The following FILIP1L variants were observed in gnomAD, a reference collection of about 807,000 sequenced individuals.
FILIP1L encodes filamin A-interacting protein 1-like.
Under a neutral mutation model 96.6 loss-of-function variants are expected in FILIP1L, and 55 were observed. The ratio of observed to expected loss-of-function variants is 0.57; its 90% CI spans 0.46 to 0.71. The LOEUF (loss-of-function observed/expected upper bound fraction) is 0.71. Among genes scored for constraint, FILIP1L ranks in the 30% least tolerant of loss-of-function variants. The pLI, the probability that FILIP1L is intolerant of heterozygous loss-of-function variation, is 0.00. For synonymous variants in FILIP1L, 467 were observed against 473.9 expected, an observed-to-expected ratio of 0.99 and a Z score of 0.19; for missense variants, 1,304 against 1,321.2, an observed-to-expected ratio of 0.99 and a Z score of 0.20.
chr3:100,026,404 A>G (rs1204630816), intron 1 of FILIP1L, among the ~76,000 whole-genome samples: 3 of 152,024 alleles, frequency 2.0e-5, no homozygotes, highest in African/African-American at 7.2e-5. Flanking sequence ...AGCAAGGTCG[A>G]TAGTGAACCA....
chr3:99,897,460 A>G (rs1701908585), intron 4 of FILIP1L, among the ~76,000 whole-genome samples: 1 of 152,224 alleles, frequency 6.6e-6, no homozygotes, highest in Non-Finnish European at 1.5e-5. Flanking sequence ...AAAGTTTGCC[A>G]TTATATACCT....
intron 1 of FILIP1L, among the ~76,000 whole-genome samples, chr3:100,030,582 G>C (rs758870017): frequency 1.3e-5 from 2 of 152,094 alleles, no homozygotes; most frequent in Non-Finnish European, 2.9e-5. Flanking sequence ...TAGTAATGCA[G>C]TGTGACTAAA....
At chr3:100,092,535 C>CTTGCATGTGTATATCTTGTAT (rs1488562899) in intron 1 of FILIP1L, among the ~76,000 whole-genome samples, 6 of 151,432 alleles carry the variant, frequency 4.0e-5, no homozygotes, top group Non-Finnish European at 8.8e-5. Flanking sequence ...TTAAAATACC[C>CTTGCATGTGTATATCTTGTAT]TTGCATGTGT....
intron 5 of FILIP1L, among the ~76,000 whole-genome samples, chr3:99,838,922 G>A (rs949261566): frequency 1.3e-5 from 2 of 152,040 alleles, no homozygotes; most frequent in African/African-American, 4.8e-5. Flanking sequence ...CTGTATTCAT[G>A]GTTCTTCACA....
chr3:99,947,905 G>A (rs988001178), intron 1 of FILIP1L, among the ~76,000 whole-genome samples: 1 of 152,092 alleles, frequency 6.6e-6, no homozygotes, highest in African/African-American at 2.4e-5. Flanking sequence ...TTTCATGGAG[G>A]AAGCTGTTAT....
intron 4 of FILIP1L, among the ~76,000 whole-genome samples, chr3:99,891,820 T>C (rs1373694749): frequency 1.3e-5 from 2 of 152,340 alleles, no homozygotes; most frequent in African/African-American, 4.8e-5. Flanking sequence ...AGTTGCCTAA[T>C]TGTATAAACA....
chr3:100,013,990 T>G (rs953454701), intron 1 of FILIP1L, among the ~76,000 whole-genome samples: 13 of 152,100 alleles, frequency 8.5e-5, no homozygotes, highest in Non-Finnish European at 4.4e-5. Context: ...CACTGCCCCT[T>G]GCTCCTGGCA....
intron 1 of FILIP1L, among the ~76,000 whole-genome samples, chr3:100,019,888 ACT>A (rs2064776506): frequency 6.6e-6 from 1 of 151,920 alleles, no homozygotes; most frequent in Non-Finnish European, 1.5e-5. Context: ...AGCTACAGTG[ACT>A]CTTTTTTTCA....
rs114439971 is a variant in FILIP1L, at chr3:100,065,062, A to G, written c.-11+48991T>C. 6.1e-3 allele frequency among the ~76,000 whole-genome samples: 936 copies of G among 152,330 alleles called. 6 individuals are homozygous for G. The highest frequency in any genetic ancestry group is 0.018 in the African/African-American group (742 of 41,566). On this transcript the variant is annotated intron_variant, in intron 1 of 5. Transcript: ENST00000477258. ...CAGTTCTTGCTTTAGGGTCAGTCTC[A>G]TAAGATTGTAAACTATGAGCCCAAA...
intron 1 of FILIP1L, among the ~76,000 whole-genome samples, chr3:99,976,952 C>T (rs1193240671): frequency 6.6e-6 from 1 of 152,150 alleles, no homozygotes; most frequent in Non-Finnish European, 1.5e-5. Context: ...AGTTTGAACT[C>T]CCTGTGTGAC....
chr3:99,954,623 C>T (rs748285318), intron 1 of FILIP1L, among the ~76,000 whole-genome samples: 3 of 152,004 alleles, frequency 2.0e-5, no homozygotes, highest in Admixed American at 1.3e-4. Flanking sequence ...GTCAGGAGTT[C>T]GAGACCAGCC....
chr3:99,842,483 A>T (rs1015964484), intron 5 of FILIP1L, among the ~76,000 whole-genome samples: 2 of 139,574 alleles, frequency 1.4e-5, no homozygotes, highest in African/African-American at 5.6e-5. Flanking sequence ...AACCTATTGA[A>T]ATAAATAAAT....
chr3:100,087,483 T>A (rs2066030291), intron 1 of FILIP1L, among the ~76,000 whole-genome samples: 1 of 152,230 alleles, frequency 6.6e-6, no homozygotes, highest in African/African-American at 2.4e-5. Context: ...CCACAATGAC[T>A]AATGGTGTTG....
chr3:99,944,284 G>A (rs780585712), intron 1 of FILIP1L, among the ~76,000 whole-genome samples: 3 of 152,170 alleles, frequency 2.0e-5, no homozygotes, highest in African/African-American at 7.2e-5. Flanking sequence ...GTTTAGTAGA[G>A]AGGTGATAGG....
chr3:100,044,578 A>C (rs147645352), intron 1 of FILIP1L, among the ~76,000 whole-genome samples: 2 of 152,312 alleles, frequency 1.3e-5, no homozygotes, highest in Non-Finnish European at 2.9e-5. Flanking sequence ...CCAGTGAAAG[A>C]GAGGGAAGTA....
At chr3:99,986,902 T>C (rs1709357637) in intron 1 of FILIP1L, among the ~76,000 whole-genome samples, 1 of 152,088 alleles carries the variant, frequency 6.6e-6, no homozygotes, top group South Asian at 2.1e-4. Flanking sequence ...CTGATCTAGT[T>C]AGGAGGACAA....
intron 1 of FILIP1L, among the ~76,000 whole-genome samples, chr3:100,032,283 G>C (rs1480867201): frequency 1.3e-5 from 2 of 152,188 alleles, no homozygotes; most frequent in Non-Finnish European, 2.9e-5. Flanking sequence ...GGTAATCTTA[G>C]TTGGTACTAG....
At chr3:99,876,243 T>C (rs1012774755) in intron 4 of FILIP1L, 20 of 984,750 alleles carry the variant, frequency 2.0e-5, no homozygotes, top group Non-Finnish European at 2.4e-5. Context: ...GCGCTCCGCG[T>C]GTGCGGCGCT....
chr3:99,864,302 G>T (rs554176958), intron 4 of FILIP1L, among the ~76,000 whole-genome samples: 1 of 152,258 alleles, frequency 6.6e-6, no homozygotes, highest in South Asian at 2.1e-4. Flanking sequence ...GTACTAGAGT[G>T]TGAGACTTGG....
Sources: gnomAD v4.1 joint callset for allele counts (sites outside exome capture counted in the v4.1 genomes callset) on GRCh38, gnomAD v4.1.1 for gene constraint, MANE v1.5 for transcripts, NCBI Gene and HGNC (gene_info 2026-07-23, HGNC 2026-07-21) for gene names.